Variants in RAPGEF1 observed in about 807,000 individuals in gnomAD.
The protein encoded by RAPGEF1 is Rap guanine nucleotide exchange factor 1, also known as CRK SH3-binding GNRP.
A neutral mutation model predicts 143.3 loss-of-function variants in RAPGEF1; 33 were observed. That is an observed-to-expected ratio of 0.23 (90% CI 0.17 to 0.31). The LOEUF (loss-of-function observed/expected upper bound fraction) is 0.31, where lower values mean the gene tolerates loss of function less well. Ranked by LOEUF, RAPGEF1 falls within the 10% of genes least tolerant of loss-of-function variation. RAPGEF1 has a pLI of 1.00. For synonymous variants in RAPGEF1, 629 were observed against 676.5 expected (o/e 0.93, Z 1.09); for missense variants, 1,199 against 1,645.4 (o/e 0.73, Z 4.69).
At chr9:131,651,367 CAT>C in intron 1 of RAPGEF1, among the ~76,000 whole-genome samples, 1 of 152,178 alleles carries the variant, frequency 6.6e-6, no homozygotes, top group Non-Finnish European at 1.5e-5. Flanking sequence ...CAACAAGTGA[CAT>C]GTGCAAGGCT....
At chr9:131,698,844 G>A (rs1834402757) in intron 1 of RAPGEF1, among the ~76,000 whole-genome samples, 1 of 152,210 alleles carries the variant, frequency 6.6e-6, no homozygotes, top group Non-Finnish European at 1.5e-5. Context: ...GGCAAGACCA[G>A]GAGCCCAGCA....
chr9:131,692,900 G>A (rs1047148967), intron 1 of RAPGEF1, among the ~76,000 whole-genome samples: 2 of 152,132 alleles, frequency 1.3e-5, no homozygotes, highest in African/African-American at 2.4e-5. Flanking sequence ...TGGATAAACC[G>A]AACAAACAGG....
intron 1 of RAPGEF1, among the ~76,000 whole-genome samples, chr9:131,681,310 C>G (rs535252735): frequency 6.6e-6 from 1 of 152,026 alleles, no homozygotes; most frequent in Admixed American, 6.5e-5. Context: ...GCACCTCGAG[C>G]GACCACTCTT....
At chr9:131,604,848 A>T (rs761618958) in intron 13 of RAPGEF1, 83 bp downstream of exon 13, 65 of 1,215,686 alleles carry the variant, frequency 5.3e-5, no homozygotes, top group Non-Finnish European at 6.7e-5. Flanking sequence ...AGGAACGTGA[A>T]ACCGCTTTTT....
intron 6 of RAPGEF1, 90 bp from the exon 7 acceptor site, chr9:131,629,344 A>T: frequency 7.5e-7 from 1 of 1,328,052 alleles, no homozygotes. Context: ...CGTGACCAGG[A>T]AGAACACAGT....
chr9:131,657,351 G>A (rs1476588007), intron 1 of RAPGEF1, among the ~76,000 whole-genome samples: 3 of 152,306 alleles, frequency 2.0e-5, no homozygotes, highest in Non-Finnish European at 2.9e-5. Flanking sequence ...TGACTGCTGC[G>A]TCGCAGGCAG....
intron 15 of RAPGEF1, among the ~76,000 whole-genome samples, chr9:131,599,147 CAG>C (rs1344326715): frequency 1.4e-5 from 2 of 138,724 alleles, no homozygotes; most frequent in Non-Finnish European, 3.1e-5. Context: ...TTTTTTGAGA[CAG>C]AGTCTCCCTC....
intron 15 of RAPGEF1, 78 bp from the exon 16 acceptor site, chr9:131,598,388 T>C: frequency 7.8e-7 from 1 of 1,287,008 alleles, no homozygotes; most frequent in South Asian, 1.3e-5. Context: ...GCAGTGCCGG[T>C]GTGCACGGCT....
chr9:131,669,199 C>T (rs1830943887), intron 1 of RAPGEF1, among the ~76,000 whole-genome samples: 3 of 152,226 alleles, frequency 2.0e-5, no homozygotes, highest in Admixed American at 6.5e-5. Context: ...CACAGTTTGA[C>T]AGGCCACCCT....
intron 1 of RAPGEF1, among the ~76,000 whole-genome samples, chr9:131,681,704 G>A (rs1026588084): frequency 1.3e-5 from 2 of 152,174 alleles, no homozygotes; most frequent in African/African-American, 4.8e-5. Flanking sequence ...GCTTTTGGGG[G>A]TCGGCGGCTG....
intron 1 of RAPGEF1, among the ~76,000 whole-genome samples, chr9:131,728,583 C>G (rs560058141): frequency 2.4e-4 from 36 of 152,302 alleles, no homozygotes; most frequent in African/African-American, 7.7e-4. Context: ...ACTCTTCCTA[C>G]GAGTGATCAC....
At chr9:131,711,502 G>A (rs1835504357) in intron 1 of RAPGEF1, among the ~76,000 whole-genome samples, 2 of 151,886 alleles carry the variant, frequency 1.3e-5, no homozygotes, top group African/African-American at 4.8e-5. Context: ...GATTACAGGT[G>A]TGCGCCACCA....
In RAPGEF1 at chr9:131,621,866, G is replaced by T; in HGVS notation, c.1835C>A (p.Ser612Tyr). 1 of 1,612,570 alleles carries T rather than the reference G, an allele frequency of 6.2e-7. No individual in the cohort carries two copies. Among genetic ancestry groups the T allele is most frequent in the Non-Finnish European group, 8.5e-7 (1 of 1,179,326 alleles). ...LLMEVYGFSD[S>Y]FSGVDSVQEL... ...CTGCACGGAGTCCACCCCACTGAAGGAGTCGCTGAAGCCGTATACCTCCAT... is the reference window on the plus strand; with the variant it reads ...CTGCACGGAGTCCACCCCACTGAAGTAGTCGCTGAAGCCGTATACCTCCAT... Residue 612 changes from serine to tyrosine, a missense_variant, in exon 11 of 27, where the codon TCC becomes TAC. Ser to Tyr is a moderately radical substitution (Grantham distance 144, BLOSUM62 -2). Transcript: ENST00000683357. The surrounding 1 kb of genome is among the most constrained non-coding windows in gnomAD (Gnocchi z 4.5).
intron 1 of RAPGEF1, among the ~76,000 whole-genome samples, chr9:131,718,006 C>G (rs1281754896): frequency 1.3e-5 from 2 of 152,124 alleles, no homozygotes; most frequent in African/African-American, 2.4e-5. Flanking sequence ...CAAAACCCTA[C>G]CGCAGGATCC....
chr9:131,622,086 G>A, intron 10 of RAPGEF1, 88 bp from the exon 11 acceptor site: 1 of 1,302,376 alleles, frequency 7.7e-7, no homozygotes, highest in African/African-American at 1.5e-5. Context: ...GCAGCTAGGG[G>A]GCTTTCCACT....
intron 1 of RAPGEF1, among the ~76,000 whole-genome samples, chr9:131,674,926 G>A (rs369954818): frequency 1.1e-4 from 17 of 152,140 alleles, no homozygotes; most frequent in African/African-American, 4.1e-4. Flanking sequence ...TGGAGAGAGG[G>A]GTGGGGGTGG....
At chr9:131,678,366 A>G (rs1278892533) in intron 1 of RAPGEF1, among the ~76,000 whole-genome samples, 1 of 152,264 alleles carries the variant, frequency 6.6e-6, no homozygotes. Context: ...AATGTAAAGT[A>G]ACTTTGAATC....
At chr9:131,684,941 C>A (rs1833214845) in intron 1 of RAPGEF1, among the ~76,000 whole-genome samples, 1 of 152,184 alleles carries the variant, frequency 6.6e-6, no homozygotes, top group Non-Finnish European at 1.5e-5. Context: ...CAGCCACCCA[C>A]CTGGGGACAG....
chr9:131,729,642 G>A (rs1195305097), intron 1 of RAPGEF1, among the ~76,000 whole-genome samples: 2 of 152,180 alleles, frequency 1.3e-5, no homozygotes, highest in African/African-American at 4.8e-5. Context: ...GAAGGGGAGA[G>A]AAGTGAAACT....
Sources: gnomAD v4.1 joint callset for allele counts (sites outside exome capture counted in the v4.1 genomes callset) on GRCh38, gnomAD v4.1.1 for gene constraint, Gnocchi (gnomAD v3.1) non-coding constraint, MANE v1.5 for transcripts, NCBI Gene and HGNC (gene_info 2026-07-23, HGNC 2026-07-21) for gene names.